Variants in SEL1L observed in about 807,000 individuals in gnomAD.
The protein encoded by SEL1L is protein sel-1 homolog 1.
SEL1L carries 52 observed loss-of-function variants against 109.8 expected under a neutral mutation model. The observed-to-expected ratio is 0.47, with a 90% CI of 0.38 to 0.60. SEL1L has a LOEUF of 0.60. Among genes scored for constraint, SEL1L ranks in the 20% least tolerant of loss-of-function variants. SEL1L has a pLI of 0.00. For missense variants in SEL1L, 749 were observed against 962.2 expected (o/e 0.78, Z 2.93); for synonymous variants, 373 against 339.6 (o/e 1.10, Z -1.08).
chr14:81,479,506 C>T, intron 20 of SEL1L, 106 bp downstream of exon 20: 1 of 1,147,878 alleles, frequency 8.7e-7, no homozygotes, highest in Non-Finnish European at 1.2e-6. Context: ...ACACCCGATA[C>T]CTGCAGGACC....
intron 16 of SEL1L, 52 bp downstream of exon 16, chr14:81,487,338 T>G: frequency 6.6e-7 from 1 of 1,504,544 alleles, no homozygotes; most frequent in South Asian, 1.3e-5. Context: ...GCGCAGACTT[T>G]CCTGCTGGGC....
Position 81,499,445 on chromosome 14 carries a change from T to G in SEL1L, c.891+14A>C. The G allele has an allele frequency of 3.7e-6, 6 of 1,607,102 alleles. No homozygotes were observed. Among genetic ancestry groups the G allele is most frequent in the Non-Finnish European group, 5.1e-6 (6 of 1,178,368 alleles). On this transcript the variant is annotated intron_variant, in intron 8 of 20. Coordinates refer to ENST00000336735, the MANE Select transcript of SEL1L (RefSeq NM_005065.6). ...GATGTTAATATTATTAGCCTTCCAC[T>G]AAAGTCTACTTACCAAAACCATGTG... is the stretch of plus-strand genomic sequence containing the variant.
Position 81,488,770 on chromosome 14 carries a change from C to G in SEL1L, c.1395+482G>C, listed in dbSNP as rs1395003660. 4 of 192,818 alleles carry G rather than the reference C, an allele frequency of 2.1e-5. No homozygotes were observed. In the East Asian group the frequency reaches 5.4e-4, roughly 26 times the overall value. 11.9% of individuals were successfully genotyped at this position (192,818 alleles called of 1,614,324 possible). A position where few individuals can be genotyped will look rare whatever the true frequency, so the allele number is the denominator to read the frequency against. On this transcript the variant is annotated intron_variant, in intron 14 of 20. Transcript: ENST00000336735. ...GTACAGAGAGTATAGTTCCATGAAG[C>G]AGAAGTTCGATTGCTAAGAACTCAA...
intron 10 of SEL1L, among the ~76,000 whole-genome samples, chr14:81,496,478 G>A (rs996044133): frequency 6.6e-6 from 1 of 152,182 alleles, no homozygotes; most frequent in Admixed American, 6.5e-5. Flanking sequence ...GGTGGCTAAT[G>A]CCTGTAATCC....
In SEL1L at chr14:81,479,477, G is replaced by A. The variant is rs1403844583; in HGVS notation, c.2175+135C>T. 3.8e-6 allele frequency: 3 copies of A among 780,032 alleles called. No homozygotes were observed. In the African/African-American group the frequency reaches 5.3e-5, roughly 14 times the overall value. 48.3% of individuals were successfully genotyped at this position (780,032 alleles called of 1,614,324 possible). ...CCCCTGATAAGGTCCTCGGGTACCT[G>A]AGCTGAGGAGAAGGGAACACACCCG... On this transcript the variant is annotated intron_variant, in intron 20 of 20. Coordinates refer to ENST00000336735, the MANE Select transcript of SEL1L (RefSeq NM_005065.6).
In SEL1L at chr14:81,476,865, G is replaced by C; in HGVS notation, c.*107C>G. 9.5e-7 allele frequency: 1 copy of C among 1,052,856 alleles called. No individual in the cohort carries two copies. The highest frequency in any genetic ancestry group is 1.4e-6 in the Non-Finnish European group (1 of 728,172). The allele number at this position is 1,052,856 out of a possible 1,614,324, so 65.2% of individuals were successfully genotyped here. On this transcript the variant is annotated 3_prime_UTR_variant, in exon 21 of 21. Transcript: ENST00000336735. ...GGAATTCAATGCTTCCTTGTGCCGT[G>C]CCTCTTCTGGGAGGTGACCACTGAT...
At chr14:81,519,518 T>C (rs184436341) in intron 3 of SEL1L, among the ~76,000 whole-genome samples, 9 of 152,270 alleles carry the variant, frequency 5.9e-5, no homozygotes, top group Admixed American at 5.9e-4. Flanking sequence ...GCAGAAGAGT[T>C]AGTTAAAGAG....
chr14:81,479,841 T>C, intron 19 of SEL1L, 101 bp from the exon 20 acceptor site: 1 of 1,147,628 alleles, frequency 8.7e-7, no homozygotes, highest in Non-Finnish European at 1.2e-6. Flanking sequence ...GAGGTTTTCA[T>C]TTTAAAATGA....
chr14:81,512,278 A>C (rs1241092364), intron 3 of SEL1L, among the ~76,000 whole-genome samples: 1 of 152,206 alleles, frequency 6.6e-6, no homozygotes, highest in African/African-American at 2.4e-5. Context: ...TCTCCAAGCA[A>C]ATGGCCTTTG....
rs1292121393 is a variant in SEL1L, at chr14:81,473,361, T to A, written c.*3611A>T. ...CAAATCATCTTTCCTTGGGATCGTT[T>A]TAAATTTTCTTGAAATACCAAGTGG... On this transcript the variant is annotated 3_prime_UTR_variant, in exon 21 of 21. Coordinates refer to ENST00000336735, the MANE Select transcript of SEL1L (RefSeq NM_005065.6). The A allele has an allele frequency of 1.3e-5, 2 of 152,194 alleles. No individual in the cohort carries two copies. The highest frequency in any genetic ancestry group is 4.8e-5 in the African/African-American group (2 of 41,442). 9.4% of individuals were successfully genotyped at this position (152,194 alleles called of 1,614,324 possible).
chr14:81,522,060 G>T (rs888527682), intron 3 of SEL1L, among the ~76,000 whole-genome samples: 2 of 151,986 alleles, frequency 1.3e-5, no homozygotes, highest in Non-Finnish European at 2.9e-5. Context: ...ATAGAATAAG[G>T]ATAATATATA....
At chr14:81,495,268 T>C in intron 10 of SEL1L, 131 bp from the exon 11 acceptor site, 2 of 752,548 alleles carry the variant, frequency 2.7e-6, no homozygotes, top group Non-Finnish European at 2.2e-6. Flanking sequence ...AGATTTAGTC[T>C]TAACTCCTGA....
chr14:81,499,489 A>G lies in SEL1L; in HGVS notation c.861T>C (p.Leu287=), dbSNP rs2140012531. Residue 287 remains leucine, a synonymous_variant, in exon 8 of 21, where the codon CTT becomes CTC. Coordinates refer to ENST00000336735, the MANE Select transcript of SEL1L (RefSeq NM_005065.6). ...CCATGTGGGCTATTAGATTGCCCCC[A>G]AGAGCTCCAAATGTATAATATACAA... ...KALVYYTFGA[L]GGNLIAHMVL... The G allele has an allele frequency of 6.2e-7, 1 of 1,612,820 alleles. No homozygotes were observed. The highest frequency in any genetic ancestry group is 1.1e-5 in the South Asian group (1 of 90,744).
intron 8 of SEL1L, chr14:81,499,088 A>T: frequency 1.1e-6 from 1 of 919,082 alleles, no homozygotes; most frequent in Non-Finnish European, 1.3e-6. Flanking sequence ...TTGTTTTTCT[A>T]TAGCCACCAT....
chr14:81,498,093 T>G (rs111412525), intron 9 of SEL1L, 47 bp from the exon 10 acceptor site: 3 of 1,569,950 alleles, frequency 1.9e-6, no homozygotes, highest in Non-Finnish European at 2.6e-6. Context: ...ATCAGAAGAA[T>G]TGTTCCAGAG....
chr14:81,475,701 T>G lies in SEL1L; in HGVS notation c.*1271A>C, dbSNP rs545204083. The G allele has an allele frequency of 6.6e-6, 1 of 152,350 alleles. No homozygotes were observed. Among genetic ancestry groups the G allele is most frequent in the East Asian group, 1.9e-4 (1 of 5,190 alleles). 9.4% of individuals were successfully genotyped at this position (152,350 alleles called of 1,614,324 possible). ...TTTCACGTGTGTAATTATGTGAAAC[T>G]CTTCAGTTTTTTTCCCATACTATTT... is the stretch of plus-strand genomic sequence containing the variant. On this transcript the variant is annotated 3_prime_UTR_variant, in exon 21 of 21. Transcript: ENST00000336735.
chr14:81,498,175 C>A, intron 9 of SEL1L, 129 bp from the exon 10 acceptor site: 1 of 962,076 alleles, frequency 1.0e-6, no homozygotes, highest in Non-Finnish European at 1.5e-6. Context: ...TTACAGTAGT[C>A]TATATAGATC....
Position 81,533,789 on chromosome 14 carries a change from CCTCTGCCACCACGGA to C in SEL1L, c.-60_-46del. On this transcript the variant is annotated 5_prime_UTR_variant, in exon 1 of 21. Transcript: ENST00000336735. ...CCAACCCCTAGAGCTGTCGCCTTCG[CCTCTGCCACCACGGA>C]CTCAGCCACCACCGCCGCCTCGCCG... 6.3e-7 allele frequency: 1 copy of C among 1,581,282 alleles called. No homozygotes were observed. The highest frequency in any genetic ancestry group is 8.6e-7 in the Non-Finnish European group (1 of 1,157,898).
rs1006700507 is a variant in SEL1L at position 81,473,980 on chromosome 14, G to A, written c.*2992C>T. ...GATCATCACCAGATCACTGGCAGGG[G>A]TTTCCAAAACTTCCCAACAGTACAG... On this transcript the variant is annotated 3_prime_UTR_variant, in exon 21 of 21. Transcript: ENST00000336735. The A allele has an allele frequency of 6.6e-6, 1 of 151,928 alleles. No individual in the cohort carries two copies. The highest frequency in any genetic ancestry group is 2.4e-5 in the African/African-American group (1 of 41,392). The allele number at this position is 151,928 out of a possible 1,614,324, so 9.4% of individuals were successfully genotyped here. A position where few individuals can be genotyped will look rare whatever the true frequency, so the allele number is the denominator to read the frequency against.
Sources: allele counts gnomAD v4.1 joint callset (sites outside exome capture counted in the v4.1 genomes callset), GRCh38; gene constraint gnomAD v4.1.1; transcripts MANE v1.5; gene names NCBI Gene and HGNC (gene_info 2026-07-23, HGNC 2026-07-21).